Variants in DNASE2B observed in about 807,000 individuals in gnomAD.
DNASE2B encodes deoxyribonuclease 2 beta, also known as deoxyribonuclease-2-beta.
In DNASE2B, 43 loss-of-function variants were observed where a neutral mutation model predicts 46.0. That is an observed-to-expected ratio of 0.94 (90% CI 0.73 to 1.21). The LOEUF is 1.21. DNASE2B is among the 50% of genes most tolerant of loss of function. DNASE2B has a pLI of 0.00. For synonymous variants in DNASE2B, 156 were observed against 152.5 expected (o/e 1.02, Z -0.17); for missense variants, 395 against 414.4 (o/e 0.95, Z 0.41).
At chr1:84,408,726 T>C (rs1398730964) in intron 3 of DNASE2B, among the ~76,000 whole-genome samples, 1 of 152,026 alleles carries the variant, frequency 6.6e-6, no homozygotes, top group Non-Finnish European at 1.5e-5. Context: ...AGAAATCCCA[T>C]TTTATTTCTT....
chr1:84,409,236 A>G (rs981235329), intron 3 of DNASE2B, among the ~76,000 whole-genome samples: 8 of 152,136 alleles, frequency 5.3e-5, no homozygotes, highest in Non-Finnish European at 8.8e-5. Flanking sequence ...TGTAATGACT[A>G]TTTTTCAACC....
chr1:84,414,373 G>A (rs1397484216), intron 5 of DNASE2B, among the ~76,000 whole-genome samples, 155 bp from the exon 6 acceptor site: 1 of 152,168 alleles, frequency 6.6e-6, no homozygotes, highest in African/African-American at 2.4e-5. Flanking sequence ...TTTACAAAAT[G>A]TTTTCTCATC....
rs1428450727 is a variant in DNASE2B, at chr1:84,412,485, A to G, written c.684A>G (p.Thr228=). The G allele has an allele frequency of 4.3e-6, 7 of 1,613,572 alleles. No homozygotes were observed. Among genetic ancestry groups the G allele is most frequent in the Non-Finnish European group, 5.1e-6 (6 of 1,179,784 alleles). The part of the protein sequence containing the change: ...SSEIPGRLLT[T]LQSAQGQKFL... ...AGATTCCTGGCAGGCTCCTCACCACACTTCAGTCGGCCCAGGGACAAAAAT... is the reference window on the plus strand; with the variant it reads ...AGATTCCTGGCAGGCTCCTCACCACGCTTCAGTCGGCCCAGGGACAAAAAT... Residue 228 remains threonine, a synonymous_variant, in exon 5 of 6, where the codon ACA becomes ACG. Coordinates refer to ENST00000370665, the MANE Select transcript of DNASE2B (RefSeq NM_021233.3).
At chr1:84,408,039 T>C (rs1399562344) in intron 2 of DNASE2B, among the ~76,000 whole-genome samples, 1 of 152,102 alleles carries the variant, frequency 6.6e-6, no homozygotes, top group African/African-American at 2.4e-5. Flanking sequence ...ATAATATCAA[T>C]GGAAAAAACC....
chr1:84,406,017 C>T (rs1680486307), intron 2 of DNASE2B, among the ~76,000 whole-genome samples: 1 of 151,362 alleles, frequency 6.6e-6, no homozygotes, highest in Admixed American at 6.6e-5. Context: ...CATAATGTAT[C>T]TAACTTTTTC....
chr1:84,401,851 A>G, intron 1 of DNASE2B, 50 bp from the exon 2 acceptor site: 18 of 1,356,924 alleles, frequency 1.3e-5, no homozygotes, highest in Non-Finnish European at 1.7e-5. Flanking sequence ...TTACTGCCAC[A>G]GGAAAACAGT....
intron 2 of DNASE2B, among the ~76,000 whole-genome samples, chr1:84,402,491 G>A (rs1205534830): frequency 6.6e-6 from 1 of 150,962 alleles, no homozygotes; most frequent in South Asian, 2.1e-4. Flanking sequence ...GTGTTGATCA[G>A]TGGTGGTGAG....
intron 5 of DNASE2B, among the ~76,000 whole-genome samples, chr1:84,412,923 T>C (rs1013650107): frequency 6.6e-6 from 1 of 151,874 alleles, no homozygotes; most frequent in African/African-American, 2.4e-5. Context: ...TAGAACAATG[T>C]TCACTAGGGA....
At chr1:84,400,481 G>A (rs1170295870) in intron 1 of DNASE2B, among the ~76,000 whole-genome samples, 2 of 152,194 alleles carry the variant, frequency 1.3e-5, no homozygotes, top group African/African-American at 4.8e-5. Context: ...CAGATTTGGA[G>A]CAAAATATTA....
chr1:84,411,428 GTGTGTGTGTGTGT>G (rs1558503330), intron 4 of DNASE2B, among the ~76,000 whole-genome samples: 111 of 4,766 alleles, frequency 0.023, 1 homozygote, highest in Non-Finnish European at 0.092. Context: ...AACCTAGGGT[GTGTGTGTGTGTGT>G]GTGTGTGTGT....
rs149607227 is a variant in DNASE2B at position 84,409,341 on chromosome 1, T to C, written c.385+823T>C. Among the ~76,000 whole-genome samples the C allele has an allele frequency of 4.6e-3, 693 of 152,274 alleles. 7 individuals are homozygous for C. Among genetic ancestry groups the C allele is most frequent in the African/African-American group, 0.016 (660 of 41,560 alleles). On this transcript the variant is annotated intron_variant, in intron 3 of 5. Coordinates refer to ENST00000370665, the MANE Select transcript of DNASE2B (RefSeq NM_021233.3). ...TGCCTTCAAGGGAGCAGGCAAATGATGTCAGCAAGTGAAAGGAGGCAGTTA... is the reference window on the plus strand; with the variant it reads ...TGCCTTCAAGGGAGCAGGCAAATGACGTCAGCAAGTGAAAGGAGGCAGTTA...
At chr1:84,406,117 A>T (rs987833507) in intron 2 of DNASE2B, among the ~76,000 whole-genome samples, 6 of 151,906 alleles carry the variant, frequency 3.9e-5, no homozygotes. Context: ...ATTTTCCAAC[A>T]TATGTTTTTA....
intron 1 of DNASE2B, among the ~76,000 whole-genome samples, chr1:84,399,362 G>C (rs1488949037): frequency 6.6e-6 from 1 of 152,206 alleles, no homozygotes; most frequent in Non-Finnish European, 1.5e-5. Flanking sequence ...TCAGGCTACA[G>C]AACACAGATA....
chr1:84,413,314 A>G (rs186455991), intron 5 of DNASE2B, among the ~76,000 whole-genome samples: 1 of 152,048 alleles, frequency 6.6e-6, no homozygotes, highest in African/African-American at 2.4e-5. Context: ...CTCCCCAGTC[A>G]CCAATGGCTG....
chr1:84,399,545 T>A (rs771178311), intron 1 of DNASE2B, among the ~76,000 whole-genome samples: 2 of 152,164 alleles, frequency 1.3e-5, no homozygotes, highest in Non-Finnish European at 2.9e-5. Flanking sequence ...AAAACTTCTC[T>A]AAGGATGTAA....
At chr1:84,402,615 A>T (rs1396171725) in intron 2 of DNASE2B, among the ~76,000 whole-genome samples, 1 of 152,208 alleles carries the variant, frequency 6.6e-6, no homozygotes, top group African/African-American at 2.4e-5. Context: ...GATGGAGATT[A>T]TCCCTGCTAT....
intron 1 of DNASE2B, among the ~76,000 whole-genome samples, chr1:84,400,254 G>T (rs2101846320): frequency 6.6e-6 from 1 of 152,268 alleles, no homozygotes; most frequent in South Asian, 2.1e-4. Context: ...TGTAATCCCA[G>T]CTACATGGGA....
At position 84,414,971 on chromosome 1, in the gene DNASE2B, C is replaced by A. The variant is rs1680669937; in HGVS notation, c.*103C>A. Reference sequence around the variant, plus strand: ...TAAAGGCCTGTGAATATACTTATAACCTGCATATCACAAAATAAAACATTT... The same window carrying A: ...TAAAGGCCTGTGAATATACTTATAAACTGCATATCACAAAATAAAACATTT... On this transcript the variant is annotated 3_prime_UTR_variant, in exon 6 of 6. Coordinates refer to ENST00000370665, the MANE Select transcript of DNASE2B (RefSeq NM_021233.3). The A allele has an allele frequency of 9.0e-6, 7 of 774,518 alleles. No individual in the cohort carries two copies. Among genetic ancestry groups the A allele is most frequent in the Non-Finnish European group, 1.4e-5 (7 of 494,510 alleles). The allele number at this position is 774,518 out of a possible 1,614,324, so 48.0% of individuals were successfully genotyped here. A position where few individuals can be genotyped will look rare whatever the true frequency, so the allele number is the denominator to read the frequency against.
intron 5 of DNASE2B, among the ~76,000 whole-genome samples, 162 bp downstream of exon 5, chr1:84,412,708 G>C (rs753183107): frequency 2.0e-5 from 3 of 151,864 alleles, no homozygotes; most frequent in Non-Finnish European, 2.9e-5. Flanking sequence ...AACATCAGCC[G>C]GCTATATGAG....
Sources: gnomAD v4.1 joint callset for allele counts (sites outside exome capture counted in the v4.1 genomes callset) on GRCh38, gnomAD v4.1.1 for gene constraint, MANE v1.5 for transcripts, NCBI Gene and HGNC (gene_info 2026-07-23, HGNC 2026-07-21) for gene names.